CTPS2: variants seen among roughly 807,000 people sequenced by gnomAD.
CTPS2 encodes the protein CTP synthase 2.
A neutral mutation model predicts 46.8 loss-of-function variants in CTPS2; 19 were observed. That is an observed-to-expected ratio of 0.41 (90% CI 0.28 to 0.60). CTPS2 has a LOEUF of 0.60. Among genes scored for constraint, CTPS2 ranks in the 20% least tolerant of loss-of-function variants. The pLI is 0.35. For missense variants in CTPS2, 286 were observed against 447.6 expected (o/e 0.64, Z 3.26); for synonymous variants, 151 against 165.2 (o/e 0.91, Z 0.66).
intron 13 of CTPS2, among the ~76,000 whole-genome samples, chrX:16,655,832 G>C (rs1932805541): frequency 9.3e-6 from 1 of 107,012 alleles, no homozygotes; most frequent in Non-Finnish European, 1.9e-5. Flanking sequence ...GTCTTGCTCT[G>C]TCGCCCAGGC....
chrX:16,710,838 T>G (rs927305189), intron 1 of CTPS2, among the ~76,000 whole-genome samples: 8 of 112,151 alleles, frequency 7.1e-5, no homozygotes, highest in Admixed American at 1.9e-4. Flanking sequence ...AGGATGGTCT[T>G]GATCTCTTGA....
chrX:16,667,848 G>T, intron 11 of CTPS2, 124 bp from the exon 12 acceptor site: 1 of 590,098 alleles, frequency 1.7e-6, no homozygotes, highest in Non-Finnish European at 2.7e-6. Context: ...GCAAGACTCT[G>T]CCTGTTTTGC....
At chrX:16,663,259 C>T (rs1290447048) in intron 13 of CTPS2, among the ~76,000 whole-genome samples, 1 of 111,329 alleles carries the variant, frequency 9.0e-6, no homozygotes, top group East Asian at 2.8e-4. Context: ...TGATCCTCCC[C>T]CTCAGCCTCC....
At chrX:16,672,709 T>C (rs1223022850) in intron 10 of CTPS2, among the ~76,000 whole-genome samples, 1 of 110,734 alleles carries the variant, frequency 9.0e-6, no homozygotes, top group Non-Finnish European at 1.9e-5. Context: ...CTAGGGCTGC[T>C]CAAGGAAAGG....
intron 16 of CTPS2, among the ~76,000 whole-genome samples, chrX:16,610,933 G>A (rs757391268): frequency 8.9e-6 from 1 of 112,121 alleles, no homozygotes; most frequent in African/African-American, 3.2e-5. Flanking sequence ...AATTAACACG[G>A]AAACAGAAAA....
chrX:16,596,055 G>A (rs1418198355), intron 17 of CTPS2, among the ~76,000 whole-genome samples: 1 of 110,655 alleles, frequency 9.0e-6, no homozygotes, highest in Non-Finnish European at 1.9e-5. Flanking sequence ...TTTATTTTTT[G>A]TAGGAATGGG....
intron 7 of CTPS2, among the ~76,000 whole-genome samples, chrX:16,690,616 C>A (rs758303947): frequency 5.4e-5 from 6 of 111,657 alleles, no homozygotes; most frequent in Non-Finnish European, 7.5e-5. Flanking sequence ...TCTGCCAAAC[C>A]TCACCCTTTT....
At chrX:16,689,720 A>G (rs1047868371) in intron 7 of CTPS2, 119 bp from the exon 8 acceptor site, 69 of 568,401 alleles carry the variant, frequency 1.2e-4, no homozygotes, top group Middle Eastern at 4.5e-4. Context: ...ACACACACAC[A>G]CGCACACACA....
chrX:16,699,445 G>A (rs1018529894), intron 2 of CTPS2, among the ~76,000 whole-genome samples: 3 of 112,357 alleles, frequency 2.7e-5, no homozygotes, highest in South Asian at 7.3e-4. Context: ...CTGGAACTGC[G>A]ATAAGAAACT....
intron 2 of CTPS2, among the ~76,000 whole-genome samples, chrX:16,699,928 A>ATT (rs1191366832): frequency 3.8e-5 from 4 of 104,435 alleles, no homozygotes; most frequent in African/African-American, 7.1e-5. Context: ...TTTTTTTTCA[A>ATT]TTTTTTTTTT....
At chrX:16,685,585 G>A in intron 8 of CTPS2, among the ~76,000 whole-genome samples, 1 of 109,901 alleles carries the variant, frequency 9.1e-6, no homozygotes, top group East Asian at 2.9e-4. Context: ...AGGGCTGGGT[G>A]TGGTGGCTCA....
chrX:16,661,363 T>C (rs1001351847), intron 13 of CTPS2, among the ~76,000 whole-genome samples: 8 of 112,300 alleles, frequency 7.1e-5, no homozygotes, highest in Non-Finnish European at 1.5e-4. Context: ...CAGGAGATGC[T>C]TACTTCAACA....
intron 17 of CTPS2, among the ~76,000 whole-genome samples, chrX:16,598,600 T>C (rs1009770227): frequency 8.9e-6 from 1 of 111,929 alleles, no homozygotes; most frequent in Non-Finnish European, 1.9e-5. Context: ...CAAGACCAGA[T>C]GGATTCACAG....
rs192660542 is a variant in CTPS2, at chrX:16,699,754, A to G, written c.167-661T>C. ...GAACCTTTCCCCTATTAAGGGAACT[A>G]TCATTTATTCCTACTGTTAGATGTC... On this transcript the variant is annotated intron_variant, in intron 2 of 18. Transcript: ENST00000359276. 2.4e-3 allele frequency among the ~76,000 whole-genome samples: 275 copies of G among 112,381 alleles called. 1 individual carries two copies. Among genetic ancestry groups the G allele is most frequent in the Non-Finnish European group, 4.4e-3 (235 of 53,312 alleles).
At chrX:16,684,403 G>A (rs1922982849) in intron 8 of CTPS2, among the ~76,000 whole-genome samples, 1 of 108,230 alleles carries the variant, frequency 9.2e-6, no homozygotes, top group Non-Finnish European at 1.9e-5. Context: ...CAGCTACTCA[G>A]GAGGCTGAGG....
At chrX:16,600,726 T>C (rs1929605460) in intron 17 of CTPS2, among the ~76,000 whole-genome samples, 1 of 112,182 alleles carries the variant, frequency 8.9e-6, no homozygotes, top group Admixed American at 9.5e-5. Flanking sequence ...TAATTTACCC[T>C]AAAAAATATC....
At chrX:16,606,289 C>T (rs1929967119) in intron 17 of CTPS2, among the ~76,000 whole-genome samples, 1 of 112,142 alleles carries the variant, frequency 8.9e-6, no homozygotes, top group African/African-American at 3.2e-5. Flanking sequence ...AATACAGCCC[C>T]AACTCAGCTC....
At chrX:16,641,804 A>G (rs1471060283) in intron 13 of CTPS2, among the ~76,000 whole-genome samples, 2 of 112,400 alleles carry the variant, frequency 1.8e-5, no homozygotes, top group East Asian at 5.5e-4. Flanking sequence ...GATGAACTTG[A>G]CAAACACTTG....
At chrX:16,695,907 G>A (rs1242674383) in intron 4 of CTPS2, among the ~76,000 whole-genome samples, 2 of 110,823 alleles carry the variant, frequency 1.8e-5, no homozygotes, top group East Asian at 5.6e-4. Flanking sequence ...CTGGAGTGCA[G>A]TAGTGAGATC....
Sources: gnomAD v4.1 joint callset for allele counts (sites outside exome capture counted in the v4.1 genomes callset) on GRCh38, gnomAD v4.1.1 for gene constraint, MANE v1.5 for transcripts, NCBI Gene and HGNC (gene_info 2026-07-23, HGNC 2026-07-21) for gene names.